The following ROBO2 variants were observed in gnomAD, a reference collection of about 807,000 sequenced individuals.
ROBO2 encodes roundabout guidance receptor 2, also known as roundabout homolog 2.
A neutral mutation model predicts 160.8 loss-of-function variants in ROBO2; 53 were observed. The observed-to-expected ratio is 0.33, with a 90% CI of 0.26 to 0.41. The LOEUF (loss-of-function observed/expected upper bound fraction) is 0.41. Ranked by LOEUF, ROBO2 falls within the 10% of genes least tolerant of loss-of-function variation. The pLI is 1.00. For missense variants in ROBO2, 1,577 were observed against 1,722.4 expected (o/e 0.92, Z 1.49); for synonymous variants, 664 against 611.7 (o/e 1.09, Z -1.26).
chr3:76,501,423 ATGG>A (rs1348838648), intron 2 of ROBO2, among the ~76,000 whole-genome samples: 2 of 152,224 alleles, frequency 1.3e-5, no homozygotes, highest in African/African-American at 4.8e-5. Flanking sequence ...GTCAGAAATG[ATGG>A]TAATATAAAT....
intron 24 of ROBO2, among the ~76,000 whole-genome samples, chr3:77,638,495 C>A (rs750187572): frequency 2.0e-5 from 3 of 152,082 alleles, no homozygotes; most frequent in Non-Finnish European, 2.9e-5. Flanking sequence ...AACTCTGCCA[C>A]GTGGTGTCAA....
chr3:77,319,389 G>T (rs2064421865), intron 2 of ROBO2, among the ~76,000 whole-genome samples: 1 of 152,166 alleles, frequency 6.6e-6, no homozygotes, highest in Non-Finnish European at 1.5e-5. Context: ...GAAATCTCCT[G>T]TTAAGTAAGA....
chr3:76,051,606 C>A (rs1004497988), intron 2 of ROBO2, among the ~76,000 whole-genome samples: 1 of 152,030 alleles, frequency 6.6e-6, no homozygotes, highest in Non-Finnish European at 1.5e-5. Context: ...TATTTTCATG[C>A]AAATTGTGTG....
rs1575995590 is a variant in ROBO2 at position 76,228,783 on chromosome 3, C to T, written c.109+291181C>T. Among the ~76,000 whole-genome samples the T allele has an allele frequency of 2.6e-5, 4 of 152,188 alleles. No homozygotes were observed. The East Asian group carries it at 7.7e-4, about 29-fold the overall frequency. On this transcript the variant is annotated intron_variant, in intron 2 of 26. Transcript: ENST00000487694. ...TTTTACTTCTCAACAAAATAAATCA[C>T]AATAAGTGGATAAACAAATGTTGAT...
At chr3:76,110,103 A>G (rs2108229020) in intron 2 of ROBO2, among the ~76,000 whole-genome samples, 1 of 151,706 alleles carries the variant, frequency 6.6e-6, no homozygotes, top group Non-Finnish European at 1.5e-5. Context: ...GTCTTAAACT[A>G]GATATATGGG....
At chr3:77,128,808 G>T (rs889048918) in intron 2 of ROBO2, among the ~76,000 whole-genome samples, 5 of 151,920 alleles carry the variant, frequency 3.3e-5, no homozygotes, top group Non-Finnish European at 7.4e-5. Flanking sequence ...GCTCAACCTT[G>T]GTTATTTCCT....
intron 2 of ROBO2, among the ~76,000 whole-genome samples, chr3:77,455,684 G>A (rs1383319546): frequency 6.6e-6 from 1 of 151,174 alleles, no homozygotes; most frequent in East Asian, 1.9e-4. Context: ...CCCGCCTCGG[G>A]CTCCCAAACT....
chr3:76,796,848 AT>A (rs1213679796), intron 2 of ROBO2, among the ~76,000 whole-genome samples: 74 of 152,224 alleles, frequency 4.9e-4, no homozygotes, highest in African/African-American at 1.6e-3. Context: ...TGTAAAAGGA[AT>A]CAAGCCCCTT....
intron 2 of ROBO2, among the ~76,000 whole-genome samples, chr3:76,930,414 G>C (rs13433750): frequency 0.45 from 68,256 of 151,914 alleles, 15,664 homozygotes; most frequent in African/African-American, 0.54. Context: ...CTGTGCTATA[G>C]AAAATTACCA....
intron 2 of ROBO2, among the ~76,000 whole-genome samples, chr3:77,226,189 A>T (rs888597152): frequency 1.3e-5 from 2 of 152,106 alleles, no homozygotes; most frequent in African/African-American, 4.8e-5. Context: ...CAAGAAAATT[A>T]GAAAATTAAG....
chr3:76,692,716 A>C, intron 2 of ROBO2, among the ~76,000 whole-genome samples: 1 of 152,068 alleles, frequency 6.6e-6, no homozygotes, highest in East Asian at 1.9e-4. Context: ...AAATTTTCCC[A>C]AAGCTCCAAA....
At chr3:76,313,946 C>T (rs1316737021) in intron 2 of ROBO2, among the ~76,000 whole-genome samples, 4 of 152,044 alleles carry the variant, frequency 2.6e-5, no homozygotes, top group Non-Finnish European at 4.4e-5. Context: ...TACGTGTGGC[C>T]TGTGAGGAGT....
At chr3:77,074,737 GATGA>G (rs60736267) in intron 1 of ROBO2, among the ~76,000 whole-genome samples, 51 of 151,690 alleles carry the variant, frequency 3.4e-4, no homozygotes, top group Middle Eastern at 3.4e-3. Context: ...ATGAATAAGT[GATGA>G]ATGAATGAAT....
intron 2 of ROBO2, among the ~76,000 whole-genome samples, chr3:76,245,695 G>T (rs1705575143): frequency 6.6e-6 from 1 of 151,892 alleles, no homozygotes; most frequent in Non-Finnish European, 1.5e-5. Context: ...TTCTTGCTAA[G>T]CATTACATCT....
chr3:76,015,448 T>A (rs2066380645), intron 2 of ROBO2, among the ~76,000 whole-genome samples: 1 of 76,730 alleles, frequency 1.3e-5, no homozygotes, highest in Admixed American at 1.8e-4. Context: ...ATATTTGCAA[T>A]TCCTCCATAA....
chr3:76,827,125 G>A (rs1289631025), intron 2 of ROBO2, among the ~76,000 whole-genome samples: 3 of 152,066 alleles, frequency 2.0e-5, no homozygotes, highest in Non-Finnish European at 4.4e-5. Flanking sequence ...TTTTGTGGGA[G>A]TAAATCACAA....
In ROBO2 at chr3:76,041,084, A is replaced by G. The variant is rs1270600972; in HGVS notation, c.109+103482A>G. Among the ~76,000 whole-genome samples the G allele has an allele frequency of 3.3e-5, 5 of 152,194 alleles. No homozygotes were observed. The East Asian group carries it at 9.6e-4, about 29-fold the overall frequency. ...ACAGATTGGTTCCTTTCCAATGCCAAACAATCTTTACTAGGATTTCAAATT... is the reference window on the plus strand; with the variant it reads ...ACAGATTGGTTCCTTTCCAATGCCAGACAATCTTTACTAGGATTTCAAATT... On this transcript the variant is annotated intron_variant, in intron 2 of 26. Coordinates refer to the ROBO2 transcript ENST00000487694.
At chr3:77,475,159 T>A (rs1411388466) in intron 2 of ROBO2, among the ~76,000 whole-genome samples, 3 of 152,118 alleles carry the variant, frequency 2.0e-5, no homozygotes, top group African/African-American at 7.2e-5. Context: ...ATTTACTGAG[T>A]ACTATACAAA....
At chr3:76,670,926 G>C (rs2110171581) in intron 2 of ROBO2, among the ~76,000 whole-genome samples, 1 of 140,022 alleles carries the variant, frequency 7.1e-6, no homozygotes, top group East Asian at 2.3e-4. Flanking sequence ...TATTTTAGAT[G>C]AACTTACTTT....
Sources: gnomAD v4.1 joint callset for allele counts (sites outside exome capture counted in the v4.1 genomes callset) on GRCh38, gnomAD v4.1.1 for gene constraint, MANE v1.5 for transcripts, NCBI Gene and HGNC (gene_info 2026-07-23, HGNC 2026-07-21) for gene names.